The following SYNE2 variants were observed in gnomAD, a reference collection of about 807,000 sequenced individuals.
The protein encoded by SYNE2 is spectrin repeat containing nuclear envelope protein 2, also known as nesprin-2.
In SYNE2, 431 loss-of-function variants were observed where a neutral mutation model predicts 856.3. The observed-to-expected ratio is 0.50, with a 90% CI of 0.47 to 0.55. The LOEUF (loss-of-function observed/expected upper bound fraction) is 0.55. Among genes scored for constraint, SYNE2 ranks in the 20% least tolerant of loss-of-function variants. The pLI is 0.00. For synonymous variants in SYNE2, 2,923 were observed against 2,872.3 expected (o/e 1.02, Z -0.56); for missense variants, 8,129 against 8,023.2 (o/e 1.01, Z -0.50).
chr14:63,806,990 C>A (rs1034523845), intron 1 of SYNE2, among the ~76,000 whole-genome samples: 1 of 151,682 alleles, frequency 6.6e-6, no homozygotes, highest in Admixed American at 6.6e-5. Context: ...GCTAGGATTA[C>A]AGGTGTGAGC....
chr14:63,952,778 T>C (rs1042476592), intron 7 of SYNE2, among the ~76,000 whole-genome samples: 10 of 152,192 alleles, frequency 6.6e-5, no homozygotes, highest in Admixed American at 1.3e-4. Flanking sequence ...GTTTTAAGCT[T>C]TTTTTCCCGT....
intron 21 of SYNE2, among the ~76,000 whole-genome samples, chr14:63,992,704 C>T (rs76674950): frequency 0.011 from 1,703 of 152,272 alleles, 32 homozygotes; most frequent in African/African-American, 0.035. Flanking sequence ...TGGATACACT[C>T]TCACAACAGA....
At position 64,202,870 on chromosome 14, in the gene SYNE2, C is replaced by G. The variant is rs1241359380; in HGVS notation, c.18108C>G (p.Thr6036=). The G allele has an allele frequency of 6.2e-7, 1 of 1,614,156 alleles. No individual in the cohort carries two copies. The highest frequency in any genetic ancestry group is 8.5e-7 in the Non-Finnish European group (1 of 1,180,032). The change falls in exon 100 of 116, where the codon ACC becomes ACG. Residue 6036 remains threonine (T), a synonymous_variant. Transcript: ENST00000555002. ...QLDKNMSNLR[T]WLARIESELS... ...ACAAAAACATGAGCAACCTTCGCAC[C>G]TGGTTGGCTCGAATTGAGTCTGAGC...
intron 49 of SYNE2, among the ~76,000 whole-genome samples, chr14:64,059,106 C>G (rs1471732368): frequency 6.6e-6 from 1 of 152,126 alleles, no homozygotes. Flanking sequence ...CTCAAAACAG[C>G]TATTTTGAAT....
intron 65 of SYNE2, among the ~76,000 whole-genome samples, chr14:64,108,772 T>C (rs1203938536): frequency 1.3e-5 from 2 of 151,794 alleles, no homozygotes; most frequent in African/African-American, 4.9e-5. Context: ...TAACAATATA[T>C]GTCTAGGAAG....
intron 14 of SYNE2, 108 bp downstream of exon 14, chr14:63,979,122 T>C: frequency 8.9e-7 from 1 of 1,125,756 alleles, no homozygotes; most frequent in Non-Finnish European, 1.3e-6. Flanking sequence ...TTGAGATGGG[T>C]TTTCTTGGTA....
chr14:64,018,303 G>C (rs187920343), intron 34 of SYNE2, among the ~76,000 whole-genome samples: 5 of 152,186 alleles, frequency 3.3e-5, no homozygotes, highest in Admixed American at 1.3e-4. Context: ...GCAGTGGCAC[G>C]ATCTCGGCTC....
At position 64,143,761 on chromosome 14, in the gene SYNE2, G is replaced by A. The variant is rs751573153; in HGVS notation, c.15307-11G>A. The A allele has an allele frequency of 5.6e-6, 9 of 1,613,982 alleles. No individual in the cohort carries two copies. The highest frequency in any genetic ancestry group is 7.6e-6 in the Non-Finnish European group (9 of 1,179,922). On this transcript the variant is annotated splice_polypyrimidine_tract_variant and intron_variant, in intron 82 of 115. Coordinates refer to ENST00000555002, the MANE Select transcript of SYNE2 (RefSeq NM_182914.3). Reference sequence around the variant, plus strand: ...CATGACTGCTTTGGTGTTTAACTTTGCTTATTTTAGGAGTTTAGAATGGAA... The same window carrying A: ...CATGACTGCTTTGGTGTTTAACTTTACTTATTTTAGGAGTTTAGAATGGAA...
At chr14:64,034,021 C>T (rs2097064551) in intron 45 of SYNE2, among the ~76,000 whole-genome samples, 1 of 152,090 alleles carries the variant, frequency 6.6e-6, no homozygotes, top group Non-Finnish European at 1.5e-5. Flanking sequence ...TATTATATAA[C>T]ATTAGTCTAT....
chr14:64,098,442 G>A, intron 62 of SYNE2: 1 of 584,218 alleles, frequency 1.7e-6, no homozygotes, highest in Non-Finnish European at 3.0e-6. Flanking sequence ...AGAAAAGTCA[G>A]CCCTTTGCAG....
intron 53 of SYNE2, among the ~76,000 whole-genome samples, chr14:64,074,626 T>A (rs576743541): frequency 7.9e-5 from 12 of 152,318 alleles, no homozygotes; most frequent in Non-Finnish European, 1.5e-4. Flanking sequence ...CCGGACATGG[T>A]GGCTCACACC....
Position 64,027,516 on chromosome 14 carries a change from A to G in SYNE2, c.6437A>G (p.Lys2146Arg). 6.2e-7 allele frequency: 1 copy of G among 1,602,284 alleles called. No homozygotes were observed. Among genetic ancestry groups the G allele is most frequent in the South Asian group, 1.1e-5 (1 of 87,548 alleles). The change falls in exon 43 of 116, where the codon AAA (lysine) becomes AGA (arginine). Residue 2146 changes from lysine (K) to arginine (R), a missense_variant. By Grantham distance (26) the Lys-to-Arg change is conservative. Around this residue, in one of 3 missense-constraint regions of SYNE2, gnomAD observed 297 missense variants for 380.9 expected, o/e 0.78. Coordinates refer to ENST00000555002, the MANE Select transcript of SYNE2 (RefSeq NM_182914.3). ...GAAAAGCTTCTACTAGAAGGAGAGA[A>G]ATATTTACAAAGTAAGGAGGATCTG... ...HQEKLLLEGE[K>R]YLQSKEDLRL...
chr14:64,213,846 A>G (rs955359045), intron 105 of SYNE2, among the ~76,000 whole-genome samples: 1 of 152,250 alleles, frequency 6.6e-6, no homozygotes, highest in Non-Finnish European at 1.5e-5. Context: ...TTTCAAAAAT[A>G]GTCTGATTCT....
rs992400466 is a variant in SYNE2 at position 64,208,877 on chromosome 14, G to C, written c.18321G>C (p.Gln6107His). ...CANETECDSIQQTTRSLDRRW... is the reference protein window; with the variant it reads ...CANETECDSIHQTTRSLDRRW... ...ATGAGACCGAGTGTGACTCGATCCAGCAGACCACCAGGAGCCTGGACAGAC... is the reference window on the plus strand; with the variant it reads ...ATGAGACCGAGTGTGACTCGATCCACCAGACCACCAGGAGCCTGGACAGAC... Residue 6107 changes from glutamine to histidine, a missense_variant, in exon 101 of 116, where the codon CAG becomes CAC. By Grantham distance (24) the Gln-to-His change is conservative. Around this residue, in one of 3 missense-constraint regions of SYNE2, gnomAD observed 5,410 missense variants for 5,284.8 expected, o/e 1.02. Transcript: ENST00000555002. 1 of 1,614,240 alleles carries C rather than the reference G, an allele frequency of 6.2e-7. No individual in the cohort carries two copies. The highest frequency in any genetic ancestry group is 8.5e-7 in the Non-Finnish European group (1 of 1,180,056).
chr14:63,771,686 G>T (rs1347978713), intron 1 of SYNE2, among the ~76,000 whole-genome samples: 4 of 151,942 alleles, frequency 2.6e-5, no homozygotes. Flanking sequence ...ATCACCTGAG[G>T]TCAGGAGTTC....
rs57794503 is a variant in SYNE2 at position 64,032,566 on chromosome 14, T to TTTGTTGTTGTTGTTGTTGTTG, written c.7221+1213_7221+1233dup. Among the ~76,000 whole-genome samples, 344 of 149,862 alleles carry TTTGTTGTTGTTGTTGTTGTTG rather than the reference T, an allele frequency of 2.3e-3. 1 individual carries two copies. Among genetic ancestry groups the TTTGTTGTTGTTGTTGTTGTTG allele is most frequent in the African/African-American group, 8.1e-3 (327 of 40,610 alleles). On this transcript the variant is annotated intron_variant, in intron 45 of 115. Transcript: ENST00000555002. ...GACAGAGTGAGACCCTATCTCTAAT[T>TTTGTTGTTGTTGTTGTTGTTG]TTGTTGTTGTTGTTGTTGTTGTTGA... is the stretch of plus-strand genomic sequence containing the variant.
At chr14:63,863,239 T>C (rs1198310070) in intron 1 of SYNE2, among the ~76,000 whole-genome samples, 3 of 152,248 alleles carry the variant, frequency 2.0e-5, no homozygotes, top group Non-Finnish European at 4.4e-5. Flanking sequence ...TTAGTCAATG[T>C]GCTCCATGGT....
At chr14:64,182,713 C>G (rs1204278156) in intron 96 of SYNE2, among the ~76,000 whole-genome samples, 1 of 152,208 alleles carries the variant, frequency 6.6e-6, no homozygotes, top group Non-Finnish European at 1.5e-5. Context: ...GGGGTAAGGT[C>G]ATAGATTAAC....
intron 1 of SYNE2, among the ~76,000 whole-genome samples, chr14:63,864,705 T>C (rs2150291): frequency 0.81 from 122,473 of 152,132 alleles, 49,557 homozygotes; most frequent in Non-Finnish European, 0.83. Context: ...AATCATTTCT[T>C]TTCTAATTTG....
Sources: gnomAD v4.1 joint callset for allele counts (sites outside exome capture counted in the v4.1 genomes callset) on GRCh38, gnomAD v4.1.1 for gene constraint, gnomAD v4.1.1 regional missense constraint, MANE v1.5 for transcripts, NCBI Gene and HGNC (gene_info 2026-07-23, HGNC 2026-07-21) for gene names.